Variants in PRKN observed in about 807,000 individuals in gnomAD.
The protein encoded by PRKN is E3 ubiquitin-protein ligase parkin.
Under a neutral mutation model 59.5 loss-of-function variants are expected in PRKN, and 56 were observed. That is an observed-to-expected ratio of 0.94 (90% confidence interval 0.76 to 1.18). PRKN has a LOEUF of 1.18. Ranked by LOEUF, PRKN falls within the 50% of genes most tolerant of loss-of-function variation. PRKN has a pLI of 0.00. For synonymous variants in PRKN, 250 were observed against 222.1 expected (o/e 1.13, Z -1.12); for missense variants, 657 against 596.4 (o/e 1.10, Z -1.06).
chr6:162,679,110 A>ATTTAT (rs371460378), intron 1 of PRKN, among the ~76,000 whole-genome samples: 44 of 141,992 alleles, frequency 3.1e-4, no homozygotes, highest in African/African-American at 1.1e-3. Context: ...TTATTTATTT[A>ATTTAT]TGAATGAATG....
chr6:162,292,589 G>A (rs7451077), intron 2 of PRKN, among the ~76,000 whole-genome samples: 46,647 of 151,908 alleles, frequency 0.31, 7,704 homozygotes, highest in South Asian at 0.44. Context: ...TGGAAGCTTC[G>A]AAGTGGGAAG....
intron 2 of PRKN, among the ~76,000 whole-genome samples, chr6:162,428,335 A>G (rs916963903): frequency 1.3e-5 from 2 of 152,172 alleles, no homozygotes; most frequent in African/African-American, 4.8e-5. Context: ...CTTTATCTGA[A>G]GAATGTCTTA....
chr6:161,511,744 G>T (rs1189266384), intron 9 of PRKN, among the ~76,000 whole-genome samples: 1 of 151,880 alleles, frequency 6.6e-6, no homozygotes, highest in African/African-American at 2.4e-5. Flanking sequence ...AAGGCCAGGG[G>T]TCAAGATGAA....
intron 1 of PRKN, among the ~76,000 whole-genome samples, chr6:162,658,661 A>AAAAAAAAAAAG (rs1778754112): frequency 4.7e-5 from 1 of 21,392 alleles, no homozygotes; most frequent in African/African-American, 2.1e-4. Flanking sequence ...ACTCTGTCAA[A>AAAAAAAAAAAG]AAAAAAAAAA....
intron 4 of PRKN, among the ~76,000 whole-genome samples, chr6:162,200,314 G>C (rs1000109087): frequency 6.6e-6 from 1 of 151,920 alleles, no homozygotes; most frequent in African/African-American, 2.4e-5. Flanking sequence ...ACTTTCTATC[G>C]GGGTCAGCAA....
chr6:161,933,982 T>C (rs1220166766), intron 6 of PRKN, among the ~76,000 whole-genome samples: 1 of 152,256 alleles, frequency 6.6e-6, no homozygotes, highest in Non-Finnish European at 1.5e-5. Flanking sequence ...TGTTGGTTTA[T>C]AATGCTGATA....
At chr6:161,699,586 C>A (rs1247878902) in intron 7 of PRKN, among the ~76,000 whole-genome samples, 1 of 152,004 alleles carries the variant, frequency 6.6e-6, no homozygotes, top group Non-Finnish European at 1.5e-5. Flanking sequence ...TATAATTAGG[C>A]TGAGTATAAA....
At chr6:162,656,020 A>T (rs1778627774) in intron 1 of PRKN, among the ~76,000 whole-genome samples, 1 of 152,192 alleles carries the variant, frequency 6.6e-6, no homozygotes, top group Admixed American at 6.5e-5. Context: ...CAAATTATAT[A>T]AATTATTCTT....
intron 10 of PRKN, among the ~76,000 whole-genome samples, chr6:161,364,861 G>A (rs1323442359): frequency 1.3e-5 from 2 of 151,806 alleles, no homozygotes; most frequent in African/African-American, 2.4e-5. Flanking sequence ...AACCTGGGAG[G>A]TGGAGGTTGC....
intron 7 of PRKN, among the ~76,000 whole-genome samples, chr6:161,743,213 C>T (rs1430215678): frequency 3.5e-5 from 3 of 84,572 alleles, no homozygotes; most frequent in East Asian, 4.5e-4. Context: ...TGGTTTCTAC[C>T]TTTTTTTTTT....
chr6:161,783,897 T>C (rs1790311152), intron 7 of PRKN, among the ~76,000 whole-genome samples: 1 of 152,214 alleles, frequency 6.6e-6, no homozygotes, highest in African/African-American at 2.4e-5. Flanking sequence ...GTATCATAAT[T>C]TACAAAGTCA....
At chr6:162,349,084 G>A (rs1784519698) in intron 2 of PRKN, among the ~76,000 whole-genome samples, 1 of 152,172 alleles carries the variant, frequency 6.6e-6, no homozygotes, top group African/African-American at 2.4e-5. Context: ...TTGTTGAAGA[G>A]ACTGATTTTG....
At position 162,297,666 on chromosome 6, in the gene PRKN, A is replaced by G. The variant is rs188935313; in HGVS notation, c.172-34901T>C. Among the ~76,000 whole-genome samples the G allele has an allele frequency of 6.8e-4, 104 of 152,312 alleles. No homozygotes were observed. The East Asian group carries it at 0.014, about 20-fold the overall frequency. On this transcript the variant is annotated intron_variant, in intron 2 of 11. Transcript: ENST00000366898. ...GGTTGTTCTCAGAGTAACAGAAAAA[A>G]AATATTCTTATTATTAAGTTCACTT... is the stretch of plus-strand genomic sequence containing the variant.
intron 1 of PRKN, among the ~76,000 whole-genome samples, chr6:162,649,279 T>C (rs757766209): frequency 6.6e-6 from 1 of 152,188 alleles, no homozygotes; most frequent in South Asian, 2.1e-4. Context: ...ATGGGGCTTA[T>C]AGTTTAGTGG....
chr6:162,201,931 A>G (rs147444717), intron 3 of PRKN, among the ~76,000 whole-genome samples: 115 of 152,328 alleles, frequency 7.5e-4, no homozygotes, highest in African/African-American at 2.6e-3. Context: ...CAATAGTTCA[A>G]TCTCAGATCA....
chr6:162,721,191 T>C (rs1778929570), intron 1 of PRKN, among the ~76,000 whole-genome samples: 1 of 152,216 alleles, frequency 6.6e-6, no homozygotes, highest in African/African-American at 2.4e-5. Flanking sequence ...CTTTGTTTTA[T>C]GGAGTGAGTT....
intron 7 of PRKN, among the ~76,000 whole-genome samples, chr6:161,757,298 C>T (rs907812187): frequency 6.6e-6 from 1 of 151,972 alleles, no homozygotes; most frequent in South Asian, 2.1e-4. Context: ...AAATAATAAG[C>T]CACACACAGA....
chr6:161,733,782 A>T (rs1583071989), intron 7 of PRKN, among the ~76,000 whole-genome samples: 4 of 79,920 alleles, frequency 5.0e-5, no homozygotes, highest in African/African-American at 3.3e-4. Flanking sequence ...AAAAAAAAAA[A>T]AATATATATA....
At chr6:162,473,505 G>A (rs1341647319) in intron 1 of PRKN, among the ~76,000 whole-genome samples, 1 of 152,108 alleles carries the variant, frequency 6.6e-6, no homozygotes, top group Non-Finnish European at 1.5e-5. Flanking sequence ...TAAAGCCACC[G>A]ATGTGGGCCA....
Sources: allele counts gnomAD v4.1 joint callset (sites outside exome capture counted in the v4.1 genomes callset), GRCh38; gene constraint gnomAD v4.1.1; transcripts MANE v1.5; gene names NCBI Gene and HGNC (gene_info 2026-07-23, HGNC 2026-07-21).